Variants in DENND1A observed in about 807,000 individuals in gnomAD.
DENND1A encodes the protein DENN domain containing 1A.
A neutral mutation model predicts 113.7 loss-of-function variants in DENND1A; 51 were observed. The observed-to-expected ratio is 0.45, with a 90% CI of 0.36 to 0.57. The LOEUF is 0.57. DENND1A is among the 20% of genes least tolerant of loss of function. The probability of loss-of-function intolerance (pLI) is 0.00; values close to 1 mark genes in which losing one functional copy is unlikely to be tolerated. For synonymous variants in DENND1A, 565 were observed against 570.8 expected, an observed-to-expected ratio of 0.99 and a Z score of 0.14; for missense variants, 1,258 against 1,395.9, an observed-to-expected ratio of 0.90 and a Z score of 1.57.
chr9:123,389,928 T>C (rs1054311794), intron 21 of DENND1A, among the ~76,000 whole-genome samples: 9 of 152,216 alleles, frequency 5.9e-5, no homozygotes, highest in Admixed American at 1.3e-4. Flanking sequence ...GTGTTGGCTC[T>C]ACCTACCTCT....
chr9:123,648,798 TTTATTTTTGTGTGTGTA>T (rs1467922864), intron 9 of DENND1A, among the ~76,000 whole-genome samples: 2 of 152,238 alleles, frequency 1.3e-5, no homozygotes, highest in Non-Finnish European at 2.9e-5. Flanking sequence ...CCATTTGGAA[TTTATTTTTGTGTGTGTA>T]CAATAGAAAC....
chr9:123,481,548 A>G (rs1472994994), intron 13 of DENND1A, among the ~76,000 whole-genome samples: 1 of 152,224 alleles, frequency 6.6e-6, no homozygotes, highest in African/African-American at 2.4e-5. Context: ...CTGAGAGATT[A>G]AGAAACCCAA....
intron 21 of DENND1A, among the ~76,000 whole-genome samples, chr9:123,395,951 A>C (rs1054304119): frequency 1.3e-5 from 2 of 151,726 alleles, no homozygotes; most frequent in Admixed American, 6.6e-5. Flanking sequence ...AAAGCTGAGG[A>C]AGAGCTCACA....
chr9:123,469,465 C>T (rs1376688937), intron 13 of DENND1A, among the ~76,000 whole-genome samples: 1 of 152,238 alleles, frequency 6.6e-6, no homozygotes, highest in East Asian at 1.9e-4. Context: ...AAATCACAGG[C>T]GTGTCGGCCC....
intron 9 of DENND1A, among the ~76,000 whole-genome samples, chr9:123,630,835 T>C (rs1021090657): frequency 5.3e-5 from 8 of 152,256 alleles, no homozygotes; most frequent in South Asian, 2.1e-4. Flanking sequence ...AGTATTCTTC[T>C]GTGTTTCTTA....
At chr9:123,488,756 C>G (rs1287981374) in intron 13 of DENND1A, among the ~76,000 whole-genome samples, 1 of 152,204 alleles carries the variant, frequency 6.6e-6, no homozygotes, top group Admixed American at 6.5e-5. Context: ...TAAACTCTGT[C>G]CTCTGGGGGA....
At chr9:123,704,052 G>A (rs2066034259) in intron 5 of DENND1A, among the ~76,000 whole-genome samples, 2 of 151,162 alleles carry the variant, frequency 1.3e-5, no homozygotes. Flanking sequence ...CCTCCCAACT[G>A]ATACAATTAA....
At chr9:123,884,265 G>T (rs1368437698) in intron 1 of DENND1A, among the ~76,000 whole-genome samples, 2 of 151,624 alleles carry the variant, frequency 1.3e-5, no homozygotes, top group Non-Finnish European at 2.9e-5. Flanking sequence ...TTAACTTTTT[G>T]GCTAAAGGAA....
At chr9:123,430,811 T>A (rs997826292) in intron 19 of DENND1A, among the ~76,000 whole-genome samples, 3 of 152,188 alleles carry the variant, frequency 2.0e-5, no homozygotes, top group African/African-American at 7.2e-5. Context: ...ACATCCTGCA[T>A]GTGTACCCTG....
chr9:123,795,329 A>G (rs1274114804), intron 2 of DENND1A, among the ~76,000 whole-genome samples: 1 of 152,240 alleles, frequency 6.6e-6, no homozygotes, highest in Non-Finnish European at 1.5e-5. Flanking sequence ...TGTCTAACAC[A>G]GGAGGCTGAA....
intron 8 of DENND1A, among the ~76,000 whole-genome samples, chr9:123,654,328 G>GA (rs1177983162): frequency 2.0e-5 from 3 of 152,180 alleles, no homozygotes; most frequent in Admixed American, 6.5e-5. Flanking sequence ...AAGAAGGCCA[G>GA]AAAGCCCATT....
chr9:123,792,490 A>C lies in DENND1A; in HGVS notation c.132+97T>G, dbSNP rs1050938807. Reference sequence around the variant, plus strand: ...TTACTGCTTTTCTTCCCTTCTAAAAATTCATTTATCTCTTTCAGTAAAAAG... The same window carrying C: ...TTACTGCTTTTCTTCCCTTCTAAAACTTCATTTATCTCTTTCAGTAAAAAG... On this transcript the variant is annotated intron_variant, in intron 3 of 23. Coordinates refer to ENST00000394215, the MANE Select transcript of DENND1A (RefSeq NM_001352964.2). 6.6e-5 allele frequency: 87 copies of C among 1,308,426 alleles called. 2 individuals are homozygous for C. Among genetic ancestry groups the C allele is most frequent in the Non-Finnish European group, 8.5e-6 (8 of 946,384 alleles). The allele number at this position is 1,308,426 out of a possible 1,614,324, so 81.1% of individuals were successfully genotyped here.
intron 3 of DENND1A, among the ~76,000 whole-genome samples, chr9:123,782,078 T>A (rs1023629926): frequency 3.3e-5 from 5 of 151,780 alleles, no homozygotes; most frequent in East Asian, 1.9e-4. Flanking sequence ...TAAAAAAAAA[T>A]AATAATAAAA....
At chr9:123,412,232 C>T (rs1328373582) in intron 19 of DENND1A, among the ~76,000 whole-genome samples, 1 of 152,238 alleles carries the variant, frequency 6.6e-6, no homozygotes, top group African/African-American at 2.4e-5. Context: ...CACTGTGCCC[C>T]ACACAGACCT....
chr9:123,819,432 T>C (rs911676965), intron 2 of DENND1A, among the ~76,000 whole-genome samples: 1 of 152,194 alleles, frequency 6.6e-6, no homozygotes, highest in Admixed American at 6.5e-5. Flanking sequence ...GAACAACAGA[T>C]ACATGATATG....
At chr9:123,641,854 T>G (rs1447259288) in intron 9 of DENND1A, among the ~76,000 whole-genome samples, 1 of 152,192 alleles carries the variant, frequency 6.6e-6, no homozygotes, top group East Asian at 1.9e-4. Flanking sequence ...ATACTAGACT[T>G]TGTGAACCAG....
At position 123,381,896 on chromosome 9, in the gene DENND1A, C is replaced by G; in HGVS notation, c.2749G>C (p.Gly917Arg). 3 of 1,361,702 alleles carry G rather than the reference C, an allele frequency of 2.2e-6. No individual in the cohort carries two copies. The highest frequency in any genetic ancestry group is 2.8e-6 in the Non-Finnish European group (3 of 1,059,728). The allele number at this position is 1,361,702 out of a possible 1,614,324, so 84.4% of individuals were successfully genotyped here. Reference protein sequence around the residue: ...PLVSTPAGPFGAPPASLGPAF... With the variant: ...PLVSTPAGPFRAPPASLGPAF... ...GGCCCCAGGGAAGCTGGAGGGGCCC[C>G]GAAAGGCCCGGCTGGTGTGGAGACC... Residue 917 changes from glycine to arginine, a missense_variant, in exon 24 of 24, where the codon GGG becomes CGG. By Grantham distance (125) the Gly-to-Arg change is moderately radical. Coordinates refer to ENST00000394215, the MANE Select transcript of DENND1A (RefSeq NM_001352964.2). The surrounding 1 kb of genome is among the most constrained non-coding windows in gnomAD (Gnocchi z 4.7).
chr9:123,646,783 C>T (rs958633077), intron 9 of DENND1A, among the ~76,000 whole-genome samples: 1 of 152,156 alleles, frequency 6.6e-6, no homozygotes, highest in African/African-American at 2.4e-5. Flanking sequence ...ATCCCCAGTG[C>T]CTATGGCAAT....
At chr9:123,792,665 T>C (rs769792065) in intron 2 of DENND1A, 35 bp from the exon 3 acceptor site, 1 of 1,607,838 alleles carries the variant, frequency 6.2e-7, no homozygotes, top group South Asian at 1.1e-5. Flanking sequence ...TAATTGGCTT[T>C]GGATTAGTGA....
Sources: allele counts gnomAD v4.1 joint callset (sites outside exome capture counted in the v4.1 genomes callset), GRCh38; gene constraint gnomAD v4.1.1; non-coding constraint Gnocchi (gnomAD v3.1); transcripts MANE v1.5; gene names NCBI Gene and HGNC (gene_info 2026-07-23, HGNC 2026-07-21).